RPS6KA5: variants seen among roughly 807,000 people sequenced by gnomAD.
RPS6KA5 encodes ribosomal protein S6 kinase alpha-5.
Under a neutral mutation model 85.5 loss-of-function variants are expected in RPS6KA5, and 27 were observed. That is an observed-to-expected ratio of 0.32 (90% confidence interval 0.23 to 0.44). The LOEUF (loss-of-function observed/expected upper bound fraction) is 0.44, where lower values mean the gene tolerates loss of function less well. RPS6KA5 is among the 20% of genes least tolerant of loss of function. The probability of loss-of-function intolerance (pLI) is 1.00; values close to 1 mark genes in which losing one functional copy is unlikely to be tolerated. For synonymous variants in RPS6KA5, 334 were observed against 348.2 expected (o/e 0.96, Z 0.46); for missense variants, 811 against 980.9 (o/e 0.83, Z 2.31).
At chr14:91,044,096 G>A (rs902602718) in intron 1 of RPS6KA5, among the ~76,000 whole-genome samples, 8 of 151,798 alleles carry the variant, frequency 5.3e-5, no homozygotes, top group Admixed American at 3.3e-4. Context: ...GCATGGTGGT[G>A]GGCACTTGTA....
At chr14:90,889,378 A>G (rs1233901345) in intron 14 of RPS6KA5, among the ~76,000 whole-genome samples, 1 of 152,100 alleles carries the variant, frequency 6.6e-6, no homozygotes, top group Admixed American at 6.5e-5. Flanking sequence ...CTCTAACTAA[A>G]TATTCATCAA....
rs1233730617 is a variant in RPS6KA5 at position 91,011,185 on chromosome 14, C to T, written c.104-10026G>A. On this transcript the variant is annotated intron_variant, in intron 1 of 16. Transcript: ENST00000614987. Reference sequence around the variant, plus strand: ...AATGGACAACAAAAGATAGACTGGACAAAATGGAAACTAAAAAACAGGCCA... The same window carrying T: ...AATGGACAACAAAAGATAGACTGGATAAAATGGAAACTAAAAAACAGGCCA... 2.0e-5 allele frequency among the ~76,000 whole-genome samples: 3 copies of T among 151,988 alleles called. No homozygotes were observed. The East Asian group carries it at 5.8e-4, about 29-fold the overall frequency.
rs1166940087 is a variant in RPS6KA5, at chr14:90,923,211, CAAAA to C, written c.619-19_619-16del. ...GCTCTTTCAGTCTTGAACAAACAAA[CAAAA>C]AAGGGATTTGATTTCAAGCTAGTAT... On this transcript the variant is annotated splice_polypyrimidine_tract_variant and intron_variant, in intron 5 of 16. Transcript: ENST00000614987. 1.3e-6 allele frequency: 2 copies of C among 1,586,288 alleles called. No homozygotes were observed. Among genetic ancestry groups the C allele is most frequent in the African/African-American group, 1.4e-5 (1 of 74,036 alleles).
Position 90,955,893 on chromosome 14 carries a change from G to A in RPS6KA5, c.395-8343C>T, listed in dbSNP as rs564518479. On this transcript the variant is annotated intron_variant, in intron 3 of 16. Transcript: ENST00000614987. ...ATGTATTTTGGATCTATGTTGTTAG[G>A]TACATCCACGTTAGGCTCTATATTG... is the stretch of plus-strand genomic sequence containing the variant. 6.1e-4 allele frequency among the ~76,000 whole-genome samples: 93 copies of A among 151,802 alleles called. 1 individual carries two copies. Among genetic ancestry groups the A allele is most frequent in the Non-Finnish European group, 1.1e-3 (78 of 67,938 alleles).
Position 90,914,319 on chromosome 14 carries a change from T to TG in RPS6KA5, c.806+5886_806+5887insC, listed in dbSNP as rs552616451. Among the ~76,000 whole-genome samples, 715 of 141,882 alleles carry TG rather than the reference T, an allele frequency of 5.0e-3. 11 individuals carry two copies. Among genetic ancestry groups the TG allele is most frequent in the African/African-American group, 0.018 (668 of 37,246 alleles). The allele number at this position is 141,882 out of a possible 152,430, so 93.1% of individuals were successfully genotyped here. On this transcript the variant is annotated intron_variant, in intron 7 of 16. Transcript: ENST00000614987. ...AGAATGATCCCTAGGGTTTTTTTTT[T>TG]TTTTTTTTTTTTGAGATGGAGTTTC...
chr14:91,014,194 G>A (rs910969472), intron 1 of RPS6KA5, among the ~76,000 whole-genome samples: 2 of 152,066 alleles, frequency 1.3e-5, no homozygotes, highest in Non-Finnish European at 2.9e-5. Context: ...AAACATGAAT[G>A]TATTTTTAAA....
chr14:91,055,734 G>A (rs185639850), intron 1 of RPS6KA5, among the ~76,000 whole-genome samples: 144 of 152,204 alleles, frequency 9.5e-4, no homozygotes, highest in African/African-American at 3.2e-3. Context: ...AGCCATGATC[G>A]CACCACTGCA....
intron 7 of RPS6KA5, among the ~76,000 whole-genome samples, chr14:90,909,407 A>T (rs1042395357): frequency 2.6e-5 from 4 of 152,214 alleles, no homozygotes; most frequent in Non-Finnish European, 5.9e-5. Context: ...AAGTCAGAAA[A>T]AGCTCTGAGT....
intron 3 of RPS6KA5, among the ~76,000 whole-genome samples, chr14:90,960,614 AG>A (rs1217309628): frequency 1.3e-5 from 2 of 152,220 alleles, no homozygotes; most frequent in Non-Finnish European, 2.9e-5. Context: ...TAAATAGCTC[AG>A]GTAGAATAAA....
At chr14:90,896,180 T>C (rs2034825214) in intron 12 of RPS6KA5, among the ~76,000 whole-genome samples, 1 of 152,220 alleles carries the variant, frequency 6.6e-6, no homozygotes, top group Admixed American at 6.5e-5. Context: ...AGTTTCTACA[T>C]CAGATAAAGT....
intron 16 of RPS6KA5, 152 bp downstream of exon 16, chr14:90,873,480 T>G: frequency 1.4e-6 from 1 of 697,474 alleles, no homozygotes; most frequent in Non-Finnish European, 2.2e-6. Context: ...TTTATAACCA[T>G]GAAGCAATTT....
rs141067579 is a variant in RPS6KA5, at chr14:90,953,377, G to A, written c.395-5827C>T. Among the ~76,000 whole-genome samples, 275 of 152,264 alleles carry A rather than the reference G, an allele frequency of 1.8e-3. 1 individual carries two copies. Among genetic ancestry groups the A allele is most frequent in the African/African-American group, 6.0e-3 (248 of 41,546 alleles). ...CCTGTTATCTTTGTAAGATGAGGAT[G>A]TACATCACCTCAGGACCACTATGAT... is the stretch of plus-strand genomic sequence containing the variant. On this transcript the variant is annotated intron_variant, in intron 3 of 16. Coordinates refer to ENST00000614987, the MANE Select transcript of RPS6KA5 (RefSeq NM_004755.4).
chr14:90,961,388 C>G (rs543843891), intron 3 of RPS6KA5, among the ~76,000 whole-genome samples: 9 of 152,106 alleles, frequency 5.9e-5, no homozygotes, highest in Non-Finnish European at 1.3e-4. Flanking sequence ...TAGACGTTGT[C>G]TTAGAGCTGC....
At chr14:90,908,264 G>A (rs528816438) in intron 7 of RPS6KA5, among the ~76,000 whole-genome samples, 1 of 152,226 alleles carries the variant, frequency 6.6e-6, no homozygotes, top group Non-Finnish European at 1.5e-5. Flanking sequence ...CAGGGAGCTA[G>A]AATTTTAAAT....
rs2033513203 is a variant in RPS6KA5 at position 90,876,854 on chromosome 14, T to C, written c.1837-1494A>G. 2.6e-5 allele frequency among the ~76,000 whole-genome samples: 4 copies of C among 152,192 alleles called. No homozygotes were observed. In the South Asian group the frequency reaches 8.3e-4, roughly 31 times the overall value. On this transcript the variant is annotated intron_variant, in intron 14 of 16. Coordinates refer to ENST00000614987, the MANE Select transcript of RPS6KA5 (RefSeq NM_004755.4). Reference sequence around the variant, plus strand: ...TGGAAGCCACAGGATGTTCCGGTGATCTAGAAACAATATGCCATCTTTCTT... The same window carrying C: ...TGGAAGCCACAGGATGTTCCGGTGACCTAGAAACAATATGCCATCTTTCTT...
chr14:90,923,809 T>G (rs898848446), intron 5 of RPS6KA5, among the ~76,000 whole-genome samples: 5 of 152,170 alleles, frequency 3.3e-5, no homozygotes, highest in African/African-American at 4.8e-5. Context: ...AGATTATTTC[T>G]TAAAGATAGA....
chr14:90,885,302 C>T (rs2034121080), intron 14 of RPS6KA5, among the ~76,000 whole-genome samples: 2 of 150,716 alleles, frequency 1.3e-5, no homozygotes, highest in African/African-American at 4.9e-5. Context: ...CCTGTAATCC[C>T]AGCACTTTGG....
At chr14:91,001,628 C>T (rs1156920023) in intron 1 of RPS6KA5, among the ~76,000 whole-genome samples, 1 of 152,144 alleles carries the variant, frequency 6.6e-6, no homozygotes, top group African/African-American at 2.4e-5. Context: ...ATATAGTATG[C>T]ATTCGTCACT....
chr14:90,878,813 C>T (rs2033643526), intron 14 of RPS6KA5, among the ~76,000 whole-genome samples: 1 of 152,164 alleles, frequency 6.6e-6, no homozygotes, highest in Admixed American at 6.5e-5. Flanking sequence ...GAATACTGCT[C>T]TAAGAAATTT....
Sources: allele counts gnomAD v4.1 joint callset (sites outside exome capture counted in the v4.1 genomes callset), GRCh38; gene constraint gnomAD v4.1.1; transcripts MANE v1.5; gene names NCBI Gene and HGNC (gene_info 2026-07-23, HGNC 2026-07-21).